SLC9A6: variants seen among roughly 807,000 people sequenced by gnomAD.
The protein encoded by SLC9A6 is solute carrier family 9 member A6.
SLC9A6 carries 6 observed loss-of-function variants against 45.3 expected under a neutral mutation model. The ratio of observed to expected loss-of-function variants is 0.13; its 90% CI spans 0.07 to 0.26. The LOEUF is 0.26. SLC9A6 is among the 10% of genes least tolerant of loss of function. SLC9A6 has a pLI of 1.00. For missense variants in SLC9A6, 278 were observed against 503.7 expected (o/e 0.55, Z 4.29); for synonymous variants, 191 against 187.7 (o/e 1.02, Z -0.14).
chrX:136,018,305 A>G (rs1556619547), intron 11 of SLC9A6, among the ~76,000 whole-genome samples: 2 of 112,143 alleles, frequency 1.8e-5, no homozygotes. Flanking sequence ...CAGGACTGCT[A>G]AGAAGTACTA....
At chrX:135,997,137 TC>T (rs1457883325) in intron 3 of SLC9A6, among the ~76,000 whole-genome samples, 7 of 109,729 alleles carry the variant, frequency 6.4e-5, no homozygotes, top group African/African-American at 2.3e-4. Context: ...CAATCTCGGC[TC>T]CTCCGCCTCC....
chrX:135,974,554 C>T, upstream of SLC9A6: 2 of 331,222 alleles, frequency 6.0e-6, no homozygotes, highest in Non-Finnish European at 1.2e-5. Flanking sequence ...GCGGTAGGTG[C>T]TGGATATAGA....
intron 7 of SLC9A6, among the ~76,000 whole-genome samples, chrX:136,006,556 G>A (rs1416091800): frequency 9.4e-6 from 1 of 106,349 alleles, no homozygotes; most frequent in African/African-American, 3.4e-5. Flanking sequence ...CAGTGAGGGT[G>A]AAGTGAAATT....
intron 2 of SLC9A6, among the ~76,000 whole-genome samples, chrX:135,988,674 C>T (rs2089383803): frequency 9.1e-6 from 1 of 109,726 alleles, no homozygotes; most frequent in Non-Finnish European, 1.9e-5. Context: ...TCATAGCTCA[C>T]TGCAGCCTCA....
At chrX:135,995,448 G>A (rs782789373) in intron 3 of SLC9A6, among the ~76,000 whole-genome samples, 104 of 110,896 alleles carry the variant, frequency 9.4e-4, no homozygotes, top group Non-Finnish European at 2.1e-4. Context: ...TCAGCCTCCC[G>A]TGTAGCTGGG....
chrX:136,017,568 C>G (rs1191974882), intron 11 of SLC9A6, among the ~76,000 whole-genome samples: 4 of 111,295 alleles, frequency 3.6e-5, no homozygotes, highest in East Asian at 2.8e-4. Context: ...GAAGGAGAGA[C>G]AACTCCACCA....
At chrX:136,040,358 A>G (rs1237529074) in intron 17 of SLC9A6, among the ~76,000 whole-genome samples, 177 bp downstream of exon 17, 1 of 112,555 alleles carries the variant, frequency 8.9e-6, no homozygotes, top group Non-Finnish European at 1.9e-5. Context: ...ACCTATAAAT[A>G]TAATTCACAG....
intron 7 of SLC9A6, among the ~76,000 whole-genome samples, chrX:136,008,435 T>C (rs1282086819): frequency 9.0e-6 from 1 of 111,428 alleles, no homozygotes; most frequent in Non-Finnish European, 1.9e-5. Flanking sequence ...GAGACGGAGT[T>C]TCTCCATGTT....
intron 10 of SLC9A6, among the ~76,000 whole-genome samples, chrX:136,014,697 G>A (rs948307737): frequency 8.9e-6 from 1 of 112,769 alleles, no homozygotes; most frequent in Non-Finnish European, 1.9e-5. Context: ...CCCGGAAGGC[G>A]GAGGTTGCAG....
At chrX:136,025,126 C>T (rs187485943) in intron 13 of SLC9A6, among the ~76,000 whole-genome samples, 2 of 112,384 alleles carry the variant, frequency 1.8e-5, no homozygotes, top group East Asian at 5.5e-4. Flanking sequence ...TTACTCCAAC[C>T]CTAATCACTA....
At chrX:136,036,115 A>G (rs1366506066) in intron 16 of SLC9A6, among the ~76,000 whole-genome samples, 1 of 111,030 alleles carries the variant, frequency 9.0e-6, no homozygotes, top group Non-Finnish European at 1.9e-5. Context: ...AGTGATTGCA[A>G]CCAGTTTAAT....
intron 15 of SLC9A6, among the ~76,000 whole-genome samples, chrX:136,032,394 G>T (rs1239300131): frequency 8.9e-6 from 1 of 112,435 alleles, no homozygotes; most frequent in Non-Finnish European, 1.9e-5. Flanking sequence ...TTTTAGAAAA[G>T]AAGATTATGG....
chrX:136,016,204 AT>A (rs1345095683), intron 10 of SLC9A6, among the ~76,000 whole-genome samples: 1 of 111,496 alleles, frequency 9.0e-6, no homozygotes, highest in Non-Finnish European at 1.9e-5. Context: ...GTTGAAATGA[AT>A]CTTATAGCTT....
At chrX:136,012,701 G>A (rs782081557) in intron 8 of SLC9A6, among the ~76,000 whole-genome samples, 56 of 112,467 alleles carry the variant, frequency 5.0e-4, no homozygotes, top group South Asian at 1.8e-3. Context: ...TTCTGGCAAG[G>A]TGTGTGATAC....
Position 135,998,411 on chromosome X carries a change from G to C in SLC9A6, c.448-71G>C, listed in dbSNP as rs116275343. 9.6e-3 allele frequency: 7,188 copies of C among 749,122 alleles called. 33 individuals are homozygous for C. The highest frequency in any genetic ancestry group is 0.011 in the African/African-American group (510 of 46,278). The allele number at this position is 749,122 out of a possible 1,213,427, so 61.7% of individuals were successfully genotyped here. A position where few individuals can be genotyped will look rare whatever the true frequency, so the allele number is the denominator to read the frequency against. On this transcript the variant is annotated intron_variant, in intron 4 of 17. Coordinates refer to ENST00000630721, the MANE Select transcript of SLC9A6 (RefSeq NM_001379110.1). Reference sequence around the variant, plus strand: ...GAATAATGCATTTCATATTAGCATAGCATAGAAAACCTTTTCTTTTTCAAG... The same window carrying C: ...GAATAATGCATTTCATATTAGCATACCATAGAAAACCTTTTCTTTTTCAAG...
upstream of SLC9A6, among the ~76,000 whole-genome samples, chrX:135,982,358 T>TAA (rs2089289637): frequency 1.2e-5 from 1 of 82,525 alleles, no homozygotes; most frequent in African/African-American, 5.2e-5. Context: ...AAAGAGATGA[T>TAA]AGAGAAGGAG....
At chrX:135,989,461 T>C in intron 2 of SLC9A6, among the ~76,000 whole-genome samples, 1 of 112,009 alleles carries the variant, frequency 8.9e-6, no homozygotes, top group East Asian at 2.8e-4. Context: ...GAGTCCGAGG[T>C]TTAACCAATG....
intron 17 of SLC9A6, among the ~76,000 whole-genome samples, chrX:136,044,001 T>C (rs1381250354): frequency 1.8e-5 from 2 of 111,870 alleles, no homozygotes; most frequent in Non-Finnish European, 3.8e-5. Flanking sequence ...CACACAGTTA[T>C]AGCTCAAGGG....
intron 6 of SLC9A6, among the ~76,000 whole-genome samples, chrX:135,999,210 G>A (rs375578511): frequency 1.9e-5 from 2 of 107,309 alleles, no homozygotes; most frequent in Admixed American, 2.0e-4. Flanking sequence ...ACAAGTTGAC[G>A]CTGTTTCAAC....
Sources: allele counts gnomAD v4.1 joint callset (sites outside exome capture counted in the v4.1 genomes callset), GRCh38; gene constraint gnomAD v4.1.1; transcripts MANE v1.5; gene names NCBI Gene and HGNC (gene_info 2026-07-23, HGNC 2026-07-21).